The following THSD7B variants were observed in gnomAD, a reference collection of about 807,000 sequenced individuals.
THSD7B encodes the protein thrombospondin type 1 domain containing 7B.
A neutral mutation model predicts 213.6 loss-of-function variants in THSD7B; 138 were observed. The observed-to-expected ratio is 0.65, with a 90% CI of 0.56 to 0.74. THSD7B has a LOEUF of 0.74. Among genes scored for constraint, THSD7B ranks in the 30% least tolerant of loss-of-function variants. THSD7B has a pLI of 0.00. For synonymous variants in THSD7B, 742 were observed against 687.0 expected (o/e 1.08, Z -1.25); for missense variants, 1,931 against 1,991.5 (o/e 0.97, Z 0.58).
intron 2 of THSD7B, among the ~76,000 whole-genome samples, chr2:136,904,801 G>C (rs1684129368): frequency 1.5e-5 from 1 of 66,942 alleles, no homozygotes; most frequent in Admixed American, 2.1e-4. Flanking sequence ...AGAGAAATCT[G>C]AGAATAAAAA....
At chr2:137,375,246 G>A (rs949978874) in intron 12 of THSD7B, among the ~76,000 whole-genome samples, 1 of 152,022 alleles carries the variant, frequency 6.6e-6, no homozygotes, top group Non-Finnish European at 1.5e-5. Flanking sequence ...ACATTGGAAG[G>A]CAGTTTTATA....
intron 7 of THSD7B, among the ~76,000 whole-genome samples, chr2:137,198,983 A>T (rs917303470): frequency 1.3e-5 from 2 of 152,170 alleles, no homozygotes; most frequent in African/African-American, 4.8e-5. Context: ...TGTTTATAAG[A>T]AATTAACAAT....
At chr2:137,420,827 A>T (rs964534160) in intron 14 of THSD7B, among the ~76,000 whole-genome samples, 8 of 152,200 alleles carry the variant, frequency 5.3e-5, no homozygotes, top group Non-Finnish European at 7.3e-5. Flanking sequence ...GGTAAGTAAG[A>T]AGTTCAAAAT....
intron 24 of THSD7B, 88 bp from the exon 25 acceptor site, chr2:137,659,576 G>T: frequency 8.4e-7 from 1 of 1,185,634 alleles, no homozygotes; most frequent in Admixed American, 2.5e-5. Flanking sequence ...TTGCAAAGAG[G>T]CCGGTGGCAC....
chr2:137,135,112 T>G (rs1019845253), intron 5 of THSD7B, among the ~76,000 whole-genome samples: 1 of 152,200 alleles, frequency 6.6e-6, no homozygotes, highest in Non-Finnish European at 1.5e-5. Flanking sequence ...CCCTTCTGTT[T>G]AAAAAGTAGT....
intron 20 of THSD7B, among the ~76,000 whole-genome samples, chr2:137,625,692 G>A (rs1027552029): frequency 6.6e-6 from 1 of 152,220 alleles, no homozygotes; most frequent in Non-Finnish European, 1.5e-5. Flanking sequence ...GCTCTCACCA[G>A]TTGGGAGTTG....
At chr2:136,821,045 T>C (rs758190390) in intron 1 of THSD7B, among the ~76,000 whole-genome samples, 1 of 152,216 alleles carries the variant, frequency 6.6e-6, no homozygotes, top group Non-Finnish European at 1.5e-5. Context: ...AAATTACTAA[T>C]ATTTGGACTT....
intron 24 of THSD7B, 132 bp from the exon 25 acceptor site, chr2:137,659,532 T>G: frequency 2.6e-6 from 2 of 764,384 alleles, no homozygotes; most frequent in Non-Finnish European, 4.2e-6. Flanking sequence ...GACCACAATG[T>G]TGGCAAATAG....
At chr2:137,565,430 C>T (rs1681215837) in intron 16 of THSD7B, among the ~76,000 whole-genome samples, 1 of 152,020 alleles carries the variant, frequency 6.6e-6, no homozygotes, top group Non-Finnish European at 1.5e-5. Context: ...AATGAGACCA[C>T]AAGAATGAGC....
chr2:137,360,141 C>T (rs1015161079), intron 12 of THSD7B, among the ~76,000 whole-genome samples: 2 of 152,116 alleles, frequency 1.3e-5, no homozygotes, highest in Non-Finnish European at 2.9e-5. Flanking sequence ...CCTCGGAAAC[C>T]GTGGCTCATA....
chr2:136,873,675 G>A (rs1683480283), intron 1 of THSD7B, among the ~76,000 whole-genome samples: 1 of 152,186 alleles, frequency 6.6e-6, no homozygotes, highest in East Asian at 1.9e-4. Context: ...CTGGAGTGGA[G>A]TTCTGACTTT....
intron 15 of THSD7B, among the ~76,000 whole-genome samples, chr2:137,546,404 T>TAA (rs1558834273): frequency 2.5e-5 from 1 of 39,818 alleles, no homozygotes; most frequent in African/African-American, 1.8e-4. Context: ...ATTATATATA[T>TAA]TATATATATA....
chr2:137,240,117 G>T (rs1681868093), intron 9 of THSD7B, among the ~76,000 whole-genome samples: 1 of 152,126 alleles, frequency 6.6e-6, no homozygotes, highest in Admixed American at 6.6e-5. Flanking sequence ...CAAACATTTT[G>T]TTCATAATGA....
At chr2:137,308,358 A>G (rs1050636937) in intron 12 of THSD7B, among the ~76,000 whole-genome samples, 2 of 152,118 alleles carry the variant, frequency 1.3e-5, no homozygotes, top group East Asian at 1.9e-4. Context: ...GTCTTGTATC[A>G]TCTATTAGGA....
chr2:137,520,880 C>T (rs751918164), intron 15 of THSD7B, among the ~76,000 whole-genome samples: 16 of 152,162 alleles, frequency 1.1e-4, no homozygotes, highest in Non-Finnish European at 1.9e-4. Context: ...AATCATGATT[C>T]GTGCTTAAAA....
At chr2:137,288,450 G>A (rs1209501986) in intron 12 of THSD7B, among the ~76,000 whole-genome samples, 1 of 152,130 alleles carries the variant, frequency 6.6e-6, no homozygotes, top group African/African-American at 2.4e-5. Flanking sequence ...AGTAGGAACT[G>A]AAAATGGGAA....
At chr2:137,088,673 A>C (rs950272325) in intron 3 of THSD7B, among the ~76,000 whole-genome samples, 3 of 152,042 alleles carry the variant, frequency 2.0e-5, no homozygotes, top group Admixed American at 2.0e-4. Flanking sequence ...AATAGGAACC[A>C]TCAGCAAAAT....
intron 7 of THSD7B, among the ~76,000 whole-genome samples, chr2:137,201,223 A>G (rs1204783916): frequency 6.6e-6 from 1 of 152,108 alleles, no homozygotes; most frequent in Non-Finnish European, 1.5e-5. Flanking sequence ...CTTAGTGCAA[A>G]TGACAGAATT....
chr2:136,816,156 T>TATAGGTATG (rs1395843698), intron 1 of THSD7B, among the ~76,000 whole-genome samples: 1 of 152,192 alleles, frequency 6.6e-6, no homozygotes, highest in Non-Finnish European at 1.5e-5. Context: ...GTGCTGGGAT[T>TATAGGTATG]ATAGGTATGA....
Sources: gnomAD v4.1 joint callset for allele counts (sites outside exome capture counted in the v4.1 genomes callset) on GRCh38, gnomAD v4.1.1 for gene constraint, MANE v1.5 for transcripts, NCBI Gene and HGNC (gene_info 2026-07-23, HGNC 2026-07-21) for gene names.